Variants in NRXN1 observed in about 807,000 individuals in gnomAD.
NRXN1 encodes the protein neurexin 1, also known as neurexin-1.
In NRXN1, 39 loss-of-function variants were observed where a neutral mutation model predicts 150.9. That is an observed-to-expected ratio of 0.26 (90% CI 0.20 to 0.34). The LOEUF (loss-of-function observed/expected upper bound fraction) is 0.34, where lower values mean the gene tolerates loss of function less well. Ranked by LOEUF, NRXN1 falls within the 10% of genes least tolerant of loss-of-function variation. The pLI, the probability that NRXN1 is intolerant of heterozygous loss-of-function variation, is 1.00. For synonymous variants in NRXN1, 924 were observed against 757.0 expected (o/e 1.22, Z -3.62); for missense variants, 1,815 against 1,949.9 (o/e 0.93, Z 1.30).
At chr2:50,870,607 A>G (rs1023170857) in intron 5 of NRXN1, among the ~76,000 whole-genome samples, 4 of 151,988 alleles carry the variant, frequency 2.6e-5, no homozygotes, top group Non-Finnish European at 5.9e-5. Context: ...TTACTTTCCT[A>G]TCACCACACT....
intron 18 of NRXN1, among the ~76,000 whole-genome samples, chr2:50,115,965 T>G (rs1703005314): frequency 6.6e-6 from 1 of 152,156 alleles, no homozygotes; most frequent in South Asian, 2.1e-4. Flanking sequence ...TTGCTATCTT[T>G]TTAATACTAG....
Position 49,986,213 on chromosome 2 carries a change from C to A in NRXN1, c.4129-42422G>T, listed in dbSNP as rs111562853. 4.9e-3 allele frequency among the ~76,000 whole-genome samples: 753 copies of A among 152,246 alleles called. 5 individuals are homozygous for A. Among genetic ancestry groups the A allele is most frequent in the African/African-American group, 0.017 (725 of 41,548 alleles). ...CTAGCATTTCTCTAAAGCAGCGATT[C>A]TCAATTTTGGTCTTAGATCTTATTG... On this transcript the variant is annotated intron_variant, in intron 21 of 22. Transcript: ENST00000401669.
intron 18 of NRXN1, among the ~76,000 whole-genome samples, chr2:50,141,973 T>C (rs922039253): frequency 1.3e-5 from 2 of 152,012 alleles, no homozygotes; most frequent in Admixed American, 1.3e-4. Flanking sequence ...GGAAAGGAAA[T>C]CAGTTCAAAG....
chr2:50,293,197 G>A lies in NRXN1; in HGVS notation c.3365-56227C>T, dbSNP rs536777472. Among the ~76,000 whole-genome samples the A allele has an allele frequency of 3.3e-5, 5 of 152,082 alleles. No homozygotes were observed. The South Asian group carries it at 6.2e-4, about 19-fold the overall frequency. ...TGCCTCATTGTCCTGCATAGAACTC[G>A]TCTCAGCCCCTGCTTGACATCTGAC... On this transcript the variant is annotated intron_variant, in intron 17 of 22. Transcript: ENST00000401669.
intron 18 of NRXN1, among the ~76,000 whole-genome samples, chr2:50,097,462 G>C (rs569114752): frequency 1.3e-5 from 2 of 152,252 alleles, no homozygotes; most frequent in African/African-American, 4.8e-5. Context: ...TGAATGGAAT[G>C]TTTTGCTTCT....
At chr2:50,293,706 G>C (rs1429215643) in intron 17 of NRXN1, among the ~76,000 whole-genome samples, 1 of 152,126 alleles carries the variant, frequency 6.6e-6, no homozygotes, top group Non-Finnish European at 1.5e-5. Flanking sequence ...AGAAAGAGCA[G>C]TGCACCCTCA....
At position 50,538,446 on chromosome 2, in the gene NRXN1, A is replaced by T; in HGVS notation, c.1950T>A (p.Asp650Glu). The change falls in exon 10 of 23, where the codon GAT becomes GAA. Residue 650 changes from aspartate (D) to glutamate (E), a missense_variant. By Grantham distance (45) the Asp-to-Glu change is conservative. Coordinates refer to ENST00000401669, the MANE Select transcript of NRXN1 (RefSeq NM_001330078.2). ...TTTGCCGGATATCTTTGCTTTGGCC[A>T]TCGATGAACAAATCCCTGATGCAGC... Reference protein sequence around the residue: ...YVGCIRDLFIDGQSKDIRQMA... With the variant: ...YVGCIRDLFIEGQSKDIRQMA... The T allele has an allele frequency of 3.1e-6, 5 of 1,613,920 alleles. No individual in the cohort carries two copies. Among genetic ancestry groups the T allele is most frequent in the Non-Finnish European group, 4.2e-6 (5 of 1,179,860 alleles).
At chr2:50,559,718 T>A (rs530794504) in intron 8 of NRXN1, among the ~76,000 whole-genome samples, 14 of 152,166 alleles carry the variant, frequency 9.2e-5, no homozygotes, top group African/African-American at 3.1e-4. Context: ...TGTTAGAATA[T>A]ATGGTATATC....
chr2:50,824,626 G>T (rs1670192851), intron 5 of NRXN1, among the ~76,000 whole-genome samples: 1 of 152,112 alleles, frequency 6.6e-6, no homozygotes. Flanking sequence ...AATACGTTGA[G>T]GCCAGAGGCA....
intron 17 of NRXN1, among the ~76,000 whole-genome samples, chr2:50,372,704 C>A (rs1429516208): frequency 6.6e-6 from 1 of 152,066 alleles, no homozygotes; most frequent in African/African-American, 2.4e-5. Context: ...TTTTGCAATA[C>A]TCACTCATAT....
intron 5 of NRXN1, among the ~76,000 whole-genome samples, chr2:50,722,086 G>A (rs1574241767): frequency 2.6e-5 from 4 of 152,036 alleles, no homozygotes; most frequent in Admixed American, 2.6e-4. Flanking sequence ...AGGGATATAC[G>A]TCCAATGAAT....
At chr2:50,284,748 T>C (rs1339395673) in intron 17 of NRXN1, among the ~76,000 whole-genome samples, 1 of 152,216 alleles carries the variant, frequency 6.6e-6, no homozygotes, top group Non-Finnish European at 1.5e-5. Context: ...AATTTATTTA[T>C]TTAAAAAATT....
At chr2:50,849,186 G>T (rs1352738736) in intron 5 of NRXN1, among the ~76,000 whole-genome samples, 1 of 152,124 alleles carries the variant, frequency 6.6e-6, no homozygotes, top group Non-Finnish European at 1.5e-5. Context: ...TTTTATAAGT[G>T]GGCAAGAAGG....
intron 5 of NRXN1, among the ~76,000 whole-genome samples, chr2:50,828,081 C>T (rs1425459120): frequency 6.6e-6 from 1 of 151,378 alleles, no homozygotes; most frequent in African/African-American, 2.4e-5. Context: ...TCCACAAAAC[C>T]GCCATTGTCA....
intron 17 of NRXN1, among the ~76,000 whole-genome samples, chr2:50,300,468 A>G (rs1453396238): frequency 6.6e-6 from 1 of 152,198 alleles, no homozygotes; most frequent in Non-Finnish European, 1.5e-5. Context: ...CAGAGACTTA[A>G]AATTGTCCCA....
At chr2:50,865,657 A>ATTTTT (rs1559368492) in intron 5 of NRXN1, among the ~76,000 whole-genome samples, 1 of 39,902 alleles carries the variant, frequency 2.5e-5, no homozygotes, top group Non-Finnish European at 8.4e-5. Flanking sequence ...AGCATTTGAA[A>ATTTTT]GTTTTTTTTT....
chr2:50,328,217 T>C (rs2076514651), intron 17 of NRXN1, among the ~76,000 whole-genome samples: 1 of 151,944 alleles, frequency 6.6e-6, no homozygotes, highest in Non-Finnish European at 1.5e-5. Flanking sequence ...TAATTTTTTT[T>C]GTTTTTTTTT....
intron 2 of NRXN1, among the ~76,000 whole-genome samples, chr2:50,993,659 C>T (rs977224771): frequency 6.6e-6 from 1 of 151,870 alleles, no homozygotes; most frequent in Non-Finnish European, 1.5e-5. Context: ...TGGTAAAATG[C>T]CATGTAAGTG....
intron 17 of NRXN1, among the ~76,000 whole-genome samples, chr2:50,459,405 T>C (rs913280986): frequency 3.3e-5 from 5 of 152,156 alleles, no homozygotes; most frequent in African/African-American, 1.2e-4. Context: ...GATCACTTCA[T>C]CACCCAGGTA....
Sources: gnomAD v4.1 joint callset for allele counts (sites outside exome capture counted in the v4.1 genomes callset) on GRCh38, gnomAD v4.1.1 for gene constraint, MANE v1.5 for transcripts, NCBI Gene and HGNC (gene_info 2026-07-23, HGNC 2026-07-21) for gene names.